The following EPS8L2 variants were observed in gnomAD, a reference collection of about 807,000 sequenced individuals.
EPS8L2 encodes epidermal growth factor receptor kinase substrate 8-like protein 2.
In EPS8L2, 81 loss-of-function variants were observed where a neutral mutation model predicts 99.4. The observed-to-expected ratio is 0.82, with a 90% CI of 0.68 to 0.98. EPS8L2 has a LOEUF of 0.98. Among genes scored for constraint, EPS8L2 ranks in the 50% least tolerant of loss-of-function variants. EPS8L2 has a pLI of 0.00. For synonymous variants in EPS8L2, 509 were observed against 407.3 expected, an observed-to-expected ratio of 1.25 and a Z score of -3.01; for missense variants, 1,155 against 968.8, an observed-to-expected ratio of 1.19 and a Z score of -2.55.
At chr11:707,794 G>A (rs972334505) in intron 1 of EPS8L2, among the ~76,000 whole-genome samples, 2 of 152,146 alleles carry the variant, frequency 1.3e-5, no homozygotes, top group African/African-American at 2.4e-5. Flanking sequence ...AGCCCTCCAT[G>A]TTTGCGTGCC....
chr11:725,013 G>A (rs1862277687), intron 16 of EPS8L2, among the ~76,000 whole-genome samples, 184 bp downstream of exon 16: 1 of 152,258 alleles, frequency 6.6e-6, no homozygotes, highest in Admixed American at 6.5e-5. Flanking sequence ...CAGCCTGTTG[G>A]AGGGGCCTTC....
intron 1 of EPS8L2, among the ~76,000 whole-genome samples, chr11:708,289 G>C (rs1861784330): frequency 6.6e-6 from 1 of 152,216 alleles, no homozygotes; most frequent in Non-Finnish European, 1.5e-5. Context: ...AAGTCAGCCT[G>C]GTTCAGGGCC....
chr11:713,549 A>AT (rs955659394), intron 4 of EPS8L2, among the ~76,000 whole-genome samples: 3 of 150,056 alleles, frequency 2.0e-5, no homozygotes, highest in Non-Finnish European at 4.5e-5. Flanking sequence ...GCCTGGCTAA[A>AT]TTTTTTTTTC....
chr11:725,112 C>T (rs1313400935), intron 16 of EPS8L2, among the ~76,000 whole-genome samples: 1 of 152,222 alleles, frequency 6.6e-6, no homozygotes, highest in Non-Finnish European at 1.5e-5. Context: ...GGGGGCCTGT[C>T]ATTCACACCC....
chr11:720,953 A>AGGAGCCCGGCAGGGGAGGGGC, intron 7 of EPS8L2, 44 bp downstream of exon 7: 1 of 1,168,564 alleles, frequency 8.6e-7, no homozygotes. Context: ...CGGGGAGGGG[A>AGGAGCCCGGCAGGGGAGGGGC]GGAGCCCGGC....
chr11:716,988 T>C (rs756691007), intron 4 of EPS8L2, among the ~76,000 whole-genome samples: 1 of 152,176 alleles, frequency 6.6e-6, no homozygotes, highest in Non-Finnish European at 1.5e-5. Flanking sequence ...TTTATTTATT[T>C]ATTTTTGAGA....
chr11:720,550 G>A, intron 5 of EPS8L2, 47 bp from the exon 6 acceptor site: 1 of 1,570,548 alleles, frequency 6.4e-7, no homozygotes, highest in Admixed American at 1.9e-5. Context: ...CCCTGCCAGA[G>A]TGCCCAGACC....
chr11:721,750 G>C, intron 10 of EPS8L2, 59 bp downstream of exon 10: 1 of 1,570,016 alleles, frequency 6.4e-7, no homozygotes, highest in Non-Finnish European at 8.7e-7. Flanking sequence ...AGGTGCAGGG[G>C]ACAGGGACGG....
chr11:721,780 C>A, intron 10 of EPS8L2, 89 bp downstream of exon 10: 2 of 1,525,552 alleles, frequency 1.3e-6, no homozygotes, highest in Non-Finnish European at 1.8e-6. Context: ...CAGGGACATC[C>A]ATGGGGGCTA....
At chr11:706,570 A>ACCTGCCCCGT (rs1421447708) in intron 1 of EPS8L2, 1 of 152,546 alleles carries the variant, frequency 6.6e-6, no homozygotes, top group East Asian at 1.9e-4. Flanking sequence ...TGGGTGACTC[A>ACCTGCCCCGT]CCTGCCCCGT....
intron 14 of EPS8L2, 38 bp from the exon 15 acceptor site, chr11:723,203 G>A (rs376279015): frequency 5.3e-5 from 58 of 1,085,434 alleles, no homozygotes; most frequent in Non-Finnish European, 6.8e-5. Context: ...ACCCAGCCCC[G>A]CCCCATGTCT....
rs374311149 is a variant in EPS8L2, at chr11:712,839, G to A, written c.165+2353G>A. ...TGCATACAGCCAGGCTGGTGACTTCGGCCAGCTCAGTGTCCAGGGGAAGGC... is the reference window on the plus strand; with the variant it reads ...TGCATACAGCCAGGCTGGTGACTTCAGCCAGCTCAGTGTCCAGGGGAAGGC... On this transcript the variant is annotated intron_variant, in intron 4 of 20. Coordinates refer to ENST00000318562, the MANE Select transcript of EPS8L2 (RefSeq NM_022772.4). Among the ~76,000 whole-genome samples the A allele has an allele frequency of 3.5e-4, 53 of 152,320 alleles. 1 individual carries two copies. The East Asian group carries it at 4.2e-3, about 12-fold the overall frequency.
rs747102402 is a variant in EPS8L2 at position 722,430 on chromosome 11, C to T, written c.1089C>T (p.Ile363=). 67 of 1,613,244 alleles carry T rather than the reference C, an allele frequency of 4.2e-5. No individual in the cohort carries two copies. Among genetic ancestry groups the T allele is most frequent in the East Asian group, 6.7e-5 (3 of 44,896 alleles). ...LIVNTCSGPD[I]ARSVSCPLLS... ...TCAACACCTGCAGTGGCCCAGACATCGCACGCTCCGTCTCCTGCCCACTGC... is the reference window on the plus strand; with the variant it reads ...TCAACACCTGCAGTGGCCCAGACATTGCACGCTCCGTCTCCTGCCCACTGC... Residue 363 remains isoleucine, a synonymous_variant, in exon 13 of 21, where the codon ATC becomes ATT. Transcript: ENST00000318562.
intron 4 of EPS8L2, among the ~76,000 whole-genome samples, chr11:716,700 T>C (rs1221456230): frequency 6.6e-6 from 1 of 152,260 alleles, no homozygotes. Flanking sequence ...GACTTCATCT[T>C]TGATGCATGG....
At chr11:723,112 G>C in intron 14 of EPS8L2, 129 bp from the exon 15 acceptor site, 1 of 605,462 alleles carries the variant, frequency 1.7e-6, no homozygotes, top group Non-Finnish European at 2.9e-6. Flanking sequence ...GCATCACCGG[G>C]CATCAGGCTC....
At chr11:710,335 C>A in intron 3 of EPS8L2, 87 bp from the exon 4 acceptor site, 1 of 1,334,536 alleles carries the variant, frequency 7.5e-7, no homozygotes, top group South Asian at 1.2e-5. Flanking sequence ...CCGCTTGACT[C>A]CACCTTCCCT....
intron 16 of EPS8L2, 43 bp from the exon 17 acceptor site, chr11:725,685 G>T (rs1862293466): frequency 1.1e-5 from 14 of 1,293,042 alleles, no homozygotes; most frequent in Middle Eastern, 2.9e-4. Context: ...TCCCAGCCCC[G>T]CAGAGCCTGG....
rs1862321187 is a variant in EPS8L2 at position 726,330 on chromosome 11, AACG to A, written c.1785_1787del (p.Asp595del). ...GCTCATGCAGCACATGGACGAGGTC[AACG>A]ACGAGCTCATCCGGAAAATCAGCAA... On this transcript the variant is annotated inframe_deletion, in exon 19 of 21. Transcript: ENST00000318562. 1.2e-6 allele frequency: 2 copies of A among 1,610,304 alleles called. No individual in the cohort carries two copies. Among genetic ancestry groups the A allele is most frequent in the African/African-American group, 1.3e-5 (1 of 74,788 alleles).
In EPS8L2 at chr11:727,263, C is replaced by T. The variant is rs906005975; in HGVS notation, c.*282C>T. On this transcript the variant is annotated 3_prime_UTR_variant, in exon 21 of 21. Coordinates refer to ENST00000318562, the MANE Select transcript of EPS8L2 (RefSeq NM_022772.4). ...GCCACAGAACTCCCTGGGGCTGGGG[C>T]CTCTTTCTCTGGCCTCCCCTGTGCA... is the stretch of plus-strand genomic sequence containing the variant. 2 of 340,800 alleles carry T rather than the reference C, an allele frequency of 5.9e-6. No individual in the cohort carries two copies. The highest frequency in any genetic ancestry group is 1.1e-5 in the Non-Finnish European group (2 of 183,268). The allele number at this position is 340,800 out of a possible 1,614,324, so 21.1% of individuals were successfully genotyped here.
Sources: allele counts gnomAD v4.1 joint callset (sites outside exome capture counted in the v4.1 genomes callset), GRCh38; gene constraint gnomAD v4.1.1; transcripts MANE v1.5; gene names NCBI Gene and HGNC (gene_info 2026-07-23, HGNC 2026-07-21).